PPM1E: variants seen among roughly 807,000 people sequenced by gnomAD.
PPM1E encodes protein phosphatase 1E.
PPM1E carries 20 observed loss-of-function variants against 65.9 expected under a neutral mutation model. That is an observed-to-expected ratio of 0.30 (90% CI 0.21 to 0.44). The LOEUF is 0.44. PPM1E is among the 20% of genes least tolerant of loss of function. PPM1E has a pLI of 1.00. For synonymous variants in PPM1E, 352 were observed against 374.9 expected, an observed-to-expected ratio of 0.94 and a Z score of 0.70; for missense variants, 713 against 953.1, an observed-to-expected ratio of 0.75 and a Z score of 3.32.
chr17:58,846,387 A>G (rs757026655), intron 1 of PPM1E, among the ~76,000 whole-genome samples: 1 of 152,262 alleles, frequency 6.6e-6, no homozygotes, highest in Non-Finnish European at 1.5e-5. Flanking sequence ...GTCATTTAGC[A>G]TTAGGTATAT....
chr17:58,977,031 C>CT (rs1249656666), intron 6 of PPM1E, among the ~76,000 whole-genome samples: 4 of 151,836 alleles, frequency 2.6e-5, no homozygotes, highest in Non-Finnish European at 5.9e-5. Flanking sequence ...TTTGCATTTT[C>CT]TGCTTAAATA....
intron 1 of PPM1E, among the ~76,000 whole-genome samples, chr17:58,948,148 C>T (rs2052187908): frequency 6.6e-6 from 1 of 152,048 alleles, no homozygotes; most frequent in African/African-American, 2.4e-5. Flanking sequence ...TTTTTTCATC[C>T]GAGTAGTCAC....
At chr17:58,959,458 G>C (rs1309077495) in intron 2 of PPM1E, among the ~76,000 whole-genome samples, 1 of 151,804 alleles carries the variant, frequency 6.6e-6, no homozygotes, top group Non-Finnish European at 1.5e-5. Flanking sequence ...AATTAGCTGG[G>C]CATGGTGGCG....
intron 1 of PPM1E, among the ~76,000 whole-genome samples, chr17:58,931,553 A>G (rs2051899361): frequency 6.6e-6 from 1 of 152,082 alleles, no homozygotes; most frequent in South Asian, 2.1e-4. Flanking sequence ...ATAAGGCACA[A>G]CCTAGTCATG....
chr17:58,950,490 G>A (rs1393390673), intron 1 of PPM1E, among the ~76,000 whole-genome samples: 1 of 152,154 alleles, frequency 6.6e-6, no homozygotes, highest in African/African-American at 2.4e-5. Flanking sequence ...GAAGTTTTCA[G>A]TTATTATGTC....
chr17:58,877,089 G>T lies in PPM1E; in HGVS notation c.465-78560G>T, dbSNP rs768098180. ...TGAGCCACCGCGCCTGGCCAAATGC[G>T]CATGTTAAATTAAATAGTTAACTTA... On this transcript the variant is annotated intron_variant, in intron 1 of 6. Coordinates refer to ENST00000308249, the MANE Select transcript of PPM1E (RefSeq NM_014906.5). Among the ~76,000 whole-genome samples, 6 of 152,128 alleles carry T rather than the reference G, an allele frequency of 3.9e-5. No individual in the cohort carries two copies. The East Asian group carries it at 5.8e-4, about 15-fold the overall frequency.
At chr17:58,801,534 C>A (rs1263799251) in intron 1 of PPM1E, among the ~76,000 whole-genome samples, 1 of 144,222 alleles carries the variant, frequency 6.9e-6, no homozygotes, top group Non-Finnish European at 1.5e-5. Context: ...TTCCGCCTCC[C>A]TGGTTCAAGT....
chr17:58,760,080 C>T (rs956486482), intron 1 of PPM1E, among the ~76,000 whole-genome samples: 5 of 152,128 alleles, frequency 3.3e-5, no homozygotes, highest in African/African-American at 1.2e-4. Context: ...AGGTTTTTCT[C>T]CTGCTTCTCA....
Position 58,918,662 on chromosome 17 carries a change from C to T in PPM1E, c.465-36987C>T, listed in dbSNP as rs112232185. Reference sequence around the variant, plus strand: ...CTCTACTAAAATACAAAAAATTCGCCGGGCATGGTGGCATGCACTTGTAGT... The same window carrying T: ...CTCTACTAAAATACAAAAAATTCGCTGGGCATGGTGGCATGCACTTGTAGT... On this transcript the variant is annotated intron_variant, in intron 1 of 6. Coordinates refer to ENST00000308249, the MANE Select transcript of PPM1E (RefSeq NM_014906.5). 8.8e-3 allele frequency among the ~76,000 whole-genome samples: 1,343 copies of T among 151,756 alleles called. 24 individuals are homozygous for T. Among genetic ancestry groups the T allele is most frequent in the African/African-American group, 0.03 (1,236 of 41,408 alleles).
intron 1 of PPM1E, among the ~76,000 whole-genome samples, chr17:58,841,390 A>G (rs1252784356): frequency 1.3e-5 from 2 of 152,188 alleles, no homozygotes; most frequent in Non-Finnish European, 2.9e-5. Context: ...ATTATGGTCA[A>G]TATAAACAGT....
At chr17:58,889,025 A>C (rs2051314291) in intron 1 of PPM1E, among the ~76,000 whole-genome samples, 1 of 152,198 alleles carries the variant, frequency 6.6e-6, no homozygotes, top group African/African-American at 2.4e-5. Context: ...GAAATGTGAA[A>C]ATTTGAATTA....
chr17:58,975,724 C>T (rs923937668), intron 6 of PPM1E, among the ~76,000 whole-genome samples: 5 of 152,088 alleles, frequency 3.3e-5, no homozygotes, highest in Non-Finnish European at 7.3e-5. Flanking sequence ...GCCTTATGTG[C>T]GAGGCTAAGT....
At chr17:58,952,781 C>A (rs1464421773) in intron 1 of PPM1E, among the ~76,000 whole-genome samples, 3 of 152,196 alleles carry the variant, frequency 2.0e-5, no homozygotes, top group African/African-American at 7.2e-5. Flanking sequence ...TCAAGCGATT[C>A]TTCTGCCTCA....
intron 1 of PPM1E, among the ~76,000 whole-genome samples, chr17:58,856,380 A>C (rs955341008): frequency 1.3e-5 from 2 of 152,156 alleles, no homozygotes; most frequent in African/African-American, 4.8e-5. Flanking sequence ...CTGGGATTAC[A>C]GGCCTGCGCC....
At chr17:58,959,781 A>C (rs1160970578) in intron 2 of PPM1E, among the ~76,000 whole-genome samples, 1 of 152,184 alleles carries the variant, frequency 6.6e-6, no homozygotes, top group Non-Finnish European at 1.5e-5. Context: ...TATATGTATA[A>C]TACTAGGGAA....
intron 1 of PPM1E, among the ~76,000 whole-genome samples, chr17:58,950,361 C>CA (rs1010932304): frequency 1.0e-4 from 15 of 149,780 alleles, no homozygotes; most frequent in Admixed American, 2.0e-4. Context: ...AACTCTGTCT[C>CA]AAAAAAAAAA....
intron 1 of PPM1E, among the ~76,000 whole-genome samples, chr17:58,894,972 A>G (rs1398503507): frequency 2.6e-5 from 4 of 151,988 alleles, no homozygotes; most frequent in Non-Finnish European, 5.9e-5. Context: ...GTCTGTGGCA[A>G]CTCTATGTTC....
rs1177772825 is a variant in PPM1E at position 58,981,725 on chromosome 17, G to C, written c.*694G>C. On this transcript the variant is annotated 3_prime_UTR_variant, in exon 7 of 7. Transcript: ENST00000308249. ...TATTTCCTAGGGCTGTAGTTATTTG[G>C]GAGTTTCATAACCTGTTATGGTGCT... is the stretch of plus-strand genomic sequence containing the variant. 6.8e-6 allele frequency: 1 copy of C among 147,070 alleles called. No individual in the cohort carries two copies. The highest frequency in any genetic ancestry group is 1.5e-5 in the Non-Finnish European group (1 of 67,108). 9.1% of individuals were successfully genotyped at this position (147,070 alleles called of 1,614,324 possible).
intron 1 of PPM1E, among the ~76,000 whole-genome samples, chr17:58,910,883 A>C (rs994662555): frequency 2.6e-5 from 4 of 152,178 alleles, no homozygotes; most frequent in African/African-American, 9.7e-5. Flanking sequence ...TAAGAAGAAG[A>C]GGGTGCTCTG....
Sources: gnomAD v4.1 joint callset for allele counts (sites outside exome capture counted in the v4.1 genomes callset) on GRCh38, gnomAD v4.1.1 for gene constraint, MANE v1.5 for transcripts, NCBI Gene and HGNC (gene_info 2026-07-23, HGNC 2026-07-21) for gene names.